The following CCSER1 variants were observed in gnomAD, a reference collection of about 807,000 sequenced individuals.
CCSER1 encodes the protein coiled-coil serine rich protein 1, also known as serine-rich coiled-coil domain-containing protein 1.
In CCSER1, 41 loss-of-function variants were observed where a neutral mutation model predicts 82.0. That is an observed-to-expected ratio of 0.50 (90% CI 0.39 to 0.65). The LOEUF (loss-of-function observed/expected upper bound fraction) is 0.65, where lower values mean the gene tolerates loss of function less well. CCSER1 is among the 30% of genes least tolerant of loss of function. CCSER1 has a pLI of 0.00. For missense variants in CCSER1, 1,119 were observed against 1,064.2 expected (o/e 1.05, Z -0.72); for synonymous variants, 414 against 383.9 (o/e 1.08, Z -0.92).
chr4:91,172,032 A>G (rs1230718129), intron 10 of CCSER1, among the ~76,000 whole-genome samples: 1 of 152,128 alleles, frequency 6.6e-6, no homozygotes, highest in African/African-American at 2.4e-5. Flanking sequence ...ATAACATTAT[A>G]CATTGCAAAG....
At chr4:91,255,534 G>A (rs1186715455) in intron 10 of CCSER1, among the ~76,000 whole-genome samples, 3 of 152,134 alleles carry the variant, frequency 2.0e-5, no homozygotes, top group Non-Finnish European at 4.4e-5. Context: ...TGAGACTGAG[G>A]TATAAATTCA....
chr4:90,340,711 C>G (rs923777242), intron 3 of CCSER1, among the ~76,000 whole-genome samples: 10 of 152,052 alleles, frequency 6.6e-5, no homozygotes, highest in South Asian at 2.1e-4. Context: ...AGGTTTCCCC[C>G]TTTTTATTTC....
intron 10 of CCSER1, among the ~76,000 whole-genome samples, chr4:91,177,523 C>G (rs1407524444): frequency 1.3e-5 from 2 of 152,144 alleles, no homozygotes; most frequent in South Asian, 4.1e-4. Flanking sequence ...TTCAGGGATT[C>G]AACTTCTTCC....
intron 4 of CCSER1, among the ~76,000 whole-genome samples, chr4:90,467,478 G>A (rs1009784320): frequency 6.6e-6 from 1 of 152,088 alleles, no homozygotes; most frequent in Non-Finnish European, 1.5e-5. Context: ...GAGGTCAGGA[G>A]TTCAAGACCA....
chr4:90,418,573 AAGCATT>A (rs1756161804), intron 4 of CCSER1, among the ~76,000 whole-genome samples: 1 of 151,996 alleles, frequency 6.6e-6, no homozygotes, highest in Admixed American at 6.6e-5. Context: ...TTGAGTGATA[AAGCATT>A]ATAGGAATAA....
chr4:90,456,499 C>A (rs976743146), intron 4 of CCSER1, among the ~76,000 whole-genome samples: 5 of 152,138 alleles, frequency 3.3e-5, no homozygotes, highest in African/African-American at 9.7e-5. Context: ...AGTTCAGAGG[C>A]CTTTGGATAA....
intron 1 of CCSER1, among the ~76,000 whole-genome samples, chr4:90,274,393 T>C (rs1267943820): frequency 6.6e-6 from 1 of 152,210 alleles, no homozygotes; most frequent in Non-Finnish European, 1.5e-5. Flanking sequence ...ATGCTGTGTG[T>C]GTCTTTTCTT....
intron 10 of CCSER1, among the ~76,000 whole-genome samples, chr4:91,396,232 C>T (rs948650691): frequency 3.9e-5 from 6 of 152,154 alleles, no homozygotes; most frequent in African/African-American, 1.4e-4. Context: ...AACCATTATG[C>T]AAGCAAATGT....
intron 8 of CCSER1, among the ~76,000 whole-genome samples, chr4:90,849,335 G>A (rs779738047): frequency 1.8e-4 from 28 of 152,268 alleles, no homozygotes; most frequent in South Asian, 6.2e-4. Context: ...CTGTACAAAG[G>A]TACTGGTGGC....
chr4:91,286,849 A>G (rs1743314496), intron 10 of CCSER1, among the ~76,000 whole-genome samples: 1 of 151,912 alleles, frequency 6.6e-6, no homozygotes, highest in African/African-American at 2.4e-5. Context: ...AAAAAATTAA[A>G]TGTAGGTCAC....
chr4:90,423,138 A>G (rs894421399), intron 4 of CCSER1, among the ~76,000 whole-genome samples: 4 of 152,098 alleles, frequency 2.6e-5, no homozygotes, highest in South Asian at 2.1e-4. Flanking sequence ...TAAAATATAT[A>G]TTATTTGGTG....
At chr4:91,303,717 T>A (rs927280983) in intron 10 of CCSER1, among the ~76,000 whole-genome samples, 1 of 151,750 alleles carries the variant, frequency 6.6e-6, no homozygotes, top group Non-Finnish European at 1.5e-5. Flanking sequence ...ATCACCTGAG[T>A]CTGGGAGGTC....
rs777629017 is a variant in CCSER1 at position 90,574,251 on chromosome 4, A to ATTTTT, written c.1725-53750_1725-53746dup. 9.3e-5 allele frequency among the ~76,000 whole-genome samples: 8 copies of ATTTTT among 86,074 alleles called. 1 individual carries two copies. The highest frequency in any genetic ancestry group is 1.8e-4 in the African/African-American group (3 of 16,458). The allele number at this position is 86,074 out of a possible 152,430, so 56.5% of individuals were successfully genotyped here. On this transcript the variant is annotated intron_variant, in intron 5 of 10. Coordinates refer to ENST00000509176, the MANE Select transcript of CCSER1 (RefSeq NM_001145065.2). ...CCATATAGCTTGTAGAAACACATTA[A>ATTTTT]TTTTTTTTTTTTTTTTTTTTTTTTT... is the stretch of plus-strand genomic sequence containing the variant.
chr4:91,428,533 G>A (rs895481873), intron 10 of CCSER1, among the ~76,000 whole-genome samples: 1 of 152,014 alleles, frequency 6.6e-6, no homozygotes, highest in Non-Finnish European at 1.5e-5. Flanking sequence ...TTGGACTACT[G>A]AGATCGTAGT....
At chr4:90,902,866 G>C (rs1724869456) in intron 8 of CCSER1, among the ~76,000 whole-genome samples, 1 of 151,970 alleles carries the variant, frequency 6.6e-6, no homozygotes, top group Admixed American at 6.6e-5. Flanking sequence ...GATCCTGTTG[G>C]GTGTATTGAG....
At chr4:91,242,575 C>A (rs1373571126) in intron 10 of CCSER1, among the ~76,000 whole-genome samples, 1 of 152,028 alleles carries the variant, frequency 6.6e-6, no homozygotes, top group Non-Finnish European at 1.5e-5. Context: ...ATATACATGA[C>A]CTTAAATTTG....
At chr4:90,408,690 G>C (rs1329312503) in intron 4 of CCSER1, among the ~76,000 whole-genome samples, 1 of 152,098 alleles carries the variant, frequency 6.6e-6, no homozygotes, top group African/African-American at 2.4e-5. Flanking sequence ...GGGAAAAATA[G>C]AACAGAAAAA....
At chr4:91,399,549 A>G (rs575127110) in intron 10 of CCSER1, among the ~76,000 whole-genome samples, 7 of 151,966 alleles carry the variant, frequency 4.6e-5, no homozygotes, top group Non-Finnish European at 8.8e-5. Context: ...ACTTTCATAT[A>G]GCTGCTGCTG....
At chr4:91,143,901 A>G (rs1012758406) in intron 10 of CCSER1, among the ~76,000 whole-genome samples, 2 of 151,948 alleles carry the variant, frequency 1.3e-5, no homozygotes, top group African/African-American at 4.8e-5. Context: ...GGCTTTTTGT[A>G]TCTATGTTCA....
Sources: allele counts gnomAD v4.1 joint callset (sites outside exome capture counted in the v4.1 genomes callset), GRCh38; gene constraint gnomAD v4.1.1; transcripts MANE v1.5; gene names NCBI Gene and HGNC (gene_info 2026-07-23, HGNC 2026-07-21).